Variants in SGCZ observed in about 807,000 individuals in gnomAD.
The protein encoded by SGCZ is zeta-sarcoglycan.
A neutral mutation model predicts 41.3 loss-of-function variants in SGCZ; 40 were observed. The observed-to-expected ratio is 0.97, with a 90% CI of 0.75 to 1.26. SGCZ has a LOEUF of 1.26. SGCZ is among the 50% of genes most tolerant of loss of function. The probability of loss-of-function intolerance (pLI) is 0.00; values close to 1 mark genes in which losing one functional copy is unlikely to be tolerated. For synonymous variants in SGCZ, 206 were observed against 137.5 expected, an observed-to-expected ratio of 1.50 and a Z score of -3.49; for missense variants, 552 against 369.8, an observed-to-expected ratio of 1.49 and a Z score of -4.04.
chr8:14,394,570 C>T (rs1289842524), intron 2 of SGCZ, among the ~76,000 whole-genome samples: 1 of 152,114 alleles, frequency 6.6e-6, no homozygotes, highest in Non-Finnish European at 1.5e-5. Flanking sequence ...GTTTTACGAG[C>T]CTTTTCTAGC....
intron 1 of SGCZ, among the ~76,000 whole-genome samples, chr8:15,080,817 C>T (rs1805718821): frequency 6.6e-6 from 1 of 152,054 alleles, no homozygotes; most frequent in African/African-American, 2.4e-5. Flanking sequence ...TGGTCTCGAC[C>T]TCTTGATCTC....
intron 2 of SGCZ, among the ~76,000 whole-genome samples, chr8:14,393,932 A>C (rs551462281): frequency 6.6e-6 from 1 of 152,274 alleles, no homozygotes; most frequent in Non-Finnish European, 1.5e-5. Flanking sequence ...CAAATTTCTG[A>C]CCATATTTTA....
At chr8:14,878,544 T>C (rs948611088) in intron 1 of SGCZ, among the ~76,000 whole-genome samples, 2 of 152,146 alleles carry the variant, frequency 1.3e-5, no homozygotes, top group Admixed American at 1.3e-4. Context: ...AGGTGGCCCA[T>C]ATACAATATT....
intron 4 of SGCZ, among the ~76,000 whole-genome samples, chr8:14,175,401 T>C (rs972841146): frequency 6.6e-6 from 1 of 152,044 alleles, no homozygotes; most frequent in Non-Finnish European, 1.5e-5. Flanking sequence ...GTACTGAATA[T>C]AAAAAGCAAT....
At chr8:15,173,745 C>T (rs1417847564) in intron 1 of SGCZ, among the ~76,000 whole-genome samples, 1 of 152,088 alleles carries the variant, frequency 6.6e-6, no homozygotes. Context: ...TCAAGTTCTT[C>T]GTTAGCAGAT....
At chr8:14,554,631 A>T (rs1803974022) in intron 2 of SGCZ, 101 bp downstream of exon 2, 1 of 960,946 alleles carries the variant, frequency 1.0e-6, no homozygotes, top group Non-Finnish European at 1.5e-6. Flanking sequence ...ACACACTTGT[A>T]AATATTGATA....
At chr8:15,026,573 T>A (rs1276494529) in intron 1 of SGCZ, among the ~76,000 whole-genome samples, 5 of 152,190 alleles carry the variant, frequency 3.3e-5, no homozygotes, top group Non-Finnish European at 5.9e-5. Context: ...CCAGCTGTGC[T>A]CAGATACCAC....
At chr8:14,245,415 C>G (rs1799050090) in intron 3 of SGCZ, among the ~76,000 whole-genome samples, 1 of 152,136 alleles carries the variant, frequency 6.6e-6, no homozygotes, top group African/African-American at 2.4e-5. Flanking sequence ...AAACTGCATC[C>G]CTTCCTTACA....
chr8:14,429,518 TA>T (rs1262410117), intron 2 of SGCZ, among the ~76,000 whole-genome samples: 1 of 152,216 alleles, frequency 6.6e-6, no homozygotes, highest in African/African-American at 2.4e-5. Context: ...TAGGGTTTTT[TA>T]GGTCAGTTAG....
chr8:15,097,330 C>G (rs918233488), intron 1 of SGCZ, among the ~76,000 whole-genome samples: 1 of 152,090 alleles, frequency 6.6e-6, no homozygotes, highest in African/African-American at 2.4e-5. Context: ...TAGAACCAAA[C>G]TCTTTACCTG....
intron 1 of SGCZ, among the ~76,000 whole-genome samples, chr8:14,877,193 T>C (rs769692399): frequency 6.6e-5 from 10 of 152,034 alleles, no homozygotes; most frequent in Non-Finnish European, 1.5e-4. Flanking sequence ...TGGAGGGTCT[T>C]GATCTCCTGA....
intron 1 of SGCZ, among the ~76,000 whole-genome samples, chr8:15,171,786 C>T (rs1325918861): frequency 6.6e-6 from 1 of 152,164 alleles, no homozygotes; most frequent in Non-Finnish European, 1.5e-5. Context: ...TAGTACATCT[C>T]GGTCTCACCT....
intron 1 of SGCZ, among the ~76,000 whole-genome samples, chr8:14,608,172 C>T (rs7837164): frequency 0.78 from 118,579 of 151,906 alleles, 46,685 homozygotes; most frequent in Non-Finnish European, 0.83. Context: ...AAAAATGAAG[C>T]GCCAAAACTC....
At chr8:14,573,080 T>C (rs1295028187) in intron 1 of SGCZ, among the ~76,000 whole-genome samples, 1 of 152,106 alleles carries the variant, frequency 6.6e-6, no homozygotes, top group Admixed American at 6.6e-5. Context: ...CTACTGGTGG[T>C]AGGTAGTTAT....
intron 4 of SGCZ, among the ~76,000 whole-genome samples, chr8:14,211,333 C>T (rs925866282): frequency 1.3e-5 from 2 of 152,106 alleles, no homozygotes; most frequent in Admixed American, 6.5e-5. Context: ...AGCTTCTCTG[C>T]CTTCAGGTTG....
intron 1 of SGCZ, among the ~76,000 whole-genome samples, chr8:15,103,583 G>C (rs890657700): frequency 1.3e-5 from 2 of 152,010 alleles, no homozygotes; most frequent in African/African-American, 4.8e-5. Flanking sequence ...TTCTAATAAA[G>C]GAGTCTAAGC....
chr8:15,047,364 C>G (rs1040087420), intron 1 of SGCZ, among the ~76,000 whole-genome samples: 3 of 152,006 alleles, frequency 2.0e-5, no homozygotes, highest in Admixed American at 1.3e-4. Context: ...AAATCCTGTC[C>G]TTGAGGGAAA....
intron 1 of SGCZ, among the ~76,000 whole-genome samples, chr8:14,939,137 T>G (rs1800181773): frequency 6.6e-6 from 1 of 152,172 alleles, no homozygotes; most frequent in African/African-American, 2.4e-5. Context: ...TGATGATTTC[T>G]ATTTCAATCT....
At chr8:15,184,518 T>C (rs1800275519) in intron 1 of SGCZ, among the ~76,000 whole-genome samples, 2 of 142,374 alleles carry the variant, frequency 1.4e-5, no homozygotes, top group African/African-American at 2.5e-5. Flanking sequence ...CTTTTTTTTT[T>C]CTTTTGTCCT....
Sources: allele counts gnomAD v4.1 joint callset (sites outside exome capture counted in the v4.1 genomes callset), GRCh38; gene constraint gnomAD v4.1.1; transcripts MANE v1.5; gene names NCBI Gene and HGNC (gene_info 2026-07-23, HGNC 2026-07-21).